The following CNBD1 variants were observed in gnomAD, a reference collection of about 807,000 sequenced individuals.
The protein encoded by CNBD1 is cyclic nucleotide-binding domain-containing protein 1.
Under a neutral mutation model 54.4 loss-of-function variants are expected in CNBD1, and 71 were observed. That is an observed-to-expected ratio of 1.30 (90% CI 1.08 to 1.59). CNBD1 has a LOEUF of 1.59. Ranked by LOEUF, CNBD1 falls within the 40% of genes most tolerant of loss-of-function variation. The probability of loss-of-function intolerance (pLI) is 0.00; values close to 1 mark genes in which losing one functional copy is unlikely to be tolerated. For synonymous variants in CNBD1, 182 were observed against 170.7 expected (o/e 1.07, Z -0.51); for missense variants, 659 against 518.0 (o/e 1.27, Z -2.64).
At chr8:87,298,296 C>T (rs1808918423) in intron 8 of CNBD1, among the ~76,000 whole-genome samples, 1 of 151,666 alleles carries the variant, frequency 6.6e-6, no homozygotes, top group Non-Finnish European at 1.5e-5. Context: ...TAAGTATTCC[C>T]CTCCCCTCAA....
intron 2 of CNBD1, among the ~76,000 whole-genome samples, chr8:87,408,376 T>A (rs1807684678): frequency 6.6e-6 from 1 of 151,804 alleles, no homozygotes; most frequent in African/African-American, 2.4e-5. Context: ...TCTGTTGCTT[T>A]ATTTTTAGAT....
chr8:86,866,811 T>G (rs1808371843), intron 1 of CNBD1, among the ~76,000 whole-genome samples: 1 of 152,136 alleles, frequency 6.6e-6, no homozygotes, highest in Admixed American at 6.5e-5. Context: ...ATGAGGATCT[T>G]TACGAACTCT....
chr8:87,148,062 G>A (rs951641263), intron 4 of CNBD1, among the ~76,000 whole-genome samples: 1 of 152,134 alleles, frequency 6.6e-6, no homozygotes, highest in Non-Finnish European at 1.5e-5. Context: ...AAAATACACT[G>A]TCAAATAGGA....
At chr8:86,959,554 A>G (rs1450769178) in intron 4 of CNBD1, among the ~76,000 whole-genome samples, 1 of 151,956 alleles carries the variant, frequency 6.6e-6, no homozygotes, top group Non-Finnish European at 1.5e-5. Flanking sequence ...ATTTCTTTTT[A>G]TTCTCTTTTC....
At chr8:87,374,252 A>G (rs1300515173) in intron 10 of CNBD1, among the ~76,000 whole-genome samples, 1 of 151,758 alleles carries the variant, frequency 6.6e-6, no homozygotes, top group Non-Finnish European at 1.5e-5. Context: ...ACTGTGCAAT[A>G]GTGTTTTTCT....
intron 5 of CNBD1, among the ~76,000 whole-genome samples, chr8:87,227,261 G>C (rs1039368651): frequency 6.7e-6 from 1 of 148,888 alleles, no homozygotes; most frequent in Non-Finnish European, 1.5e-5. Flanking sequence ...ATAGTGTTAT[G>C]TGTGAATTTG....
intron 4 of CNBD1, among the ~76,000 whole-genome samples, chr8:87,111,201 G>C (rs1811654712): frequency 6.6e-6 from 1 of 152,120 alleles, no homozygotes; most frequent in South Asian, 2.1e-4. Flanking sequence ...TATACCACTG[G>C]ACAAAGAATC....
chr8:87,312,204 A>G (rs538328311), intron 8 of CNBD1, among the ~76,000 whole-genome samples: 1 of 152,184 alleles, frequency 6.6e-6, no homozygotes, highest in South Asian at 2.1e-4. Flanking sequence ...CCCCCCAAAA[A>G]TAAAACTACT....
chr8:87,158,208 C>T (rs906487329), intron 4 of CNBD1, among the ~76,000 whole-genome samples: 1 of 152,038 alleles, frequency 6.6e-6, no homozygotes, highest in African/African-American at 2.4e-5. Context: ...TACCTAGCAG[C>T]TATGACTTTT....
At chr8:87,312,273 A>C (rs771728610) in intron 8 of CNBD1, among the ~76,000 whole-genome samples, 5 of 152,084 alleles carry the variant, frequency 3.3e-5, no homozygotes, top group Admixed American at 1.3e-4. Context: ...GCAAGGTTGC[A>C]ATGCTTTCAT....
intron 6 of CNBD1, among the ~76,000 whole-genome samples, chr8:87,269,200 T>C (rs1808317686): frequency 6.6e-6 from 1 of 152,088 alleles, no homozygotes; most frequent in Admixed American, 6.6e-5. Context: ...TATAGTTTGT[T>C]ATTGTCAACT....
At chr8:87,234,886 C>T (rs1381821067) in intron 5 of CNBD1, among the ~76,000 whole-genome samples, 1 of 152,184 alleles carries the variant, frequency 6.6e-6, no homozygotes, top group Non-Finnish European at 1.5e-5. Flanking sequence ...CATCTTCTTA[C>T]AATAGAATGC....
intron 3 of CNBD1, among the ~76,000 whole-genome samples, chr8:86,922,333 G>A (rs1809288303): frequency 6.6e-6 from 1 of 152,058 alleles, no homozygotes; most frequent in Non-Finnish European, 1.5e-5. Flanking sequence ...GGAAGAGAAA[G>A]AGAAGAAAGA....
intron 1 of CNBD1, among the ~76,000 whole-genome samples, chr8:86,884,031 A>C (rs1808642418): frequency 6.6e-6 from 1 of 151,292 alleles, no homozygotes; most frequent in South Asian, 2.1e-4. Flanking sequence ...GGGCGCCTGT[A>C]GTCCCAGCTA....
At chr8:87,422,215 T>C (rs1331784802) in intron 2 of CNBD1, among the ~76,000 whole-genome samples, 1 of 147,712 alleles carries the variant, frequency 6.8e-6, no homozygotes, top group African/African-American at 2.6e-5. Flanking sequence ...TTTTTCCCAT[T>C]TTGTAGGTTG....
intron 4 of CNBD1, among the ~76,000 whole-genome samples, chr8:87,162,247 A>G (rs1812872554): frequency 6.6e-6 from 1 of 152,232 alleles, no homozygotes; most frequent in African/African-American, 2.4e-5. Flanking sequence ...ATTAATACTC[A>G]GAATATGTTG....
chr8:87,128,328 C>T (rs998660825), intron 4 of CNBD1, among the ~76,000 whole-genome samples: 1 of 152,180 alleles, frequency 6.6e-6, no homozygotes, highest in Admixed American at 6.5e-5. Context: ...AGACACTCAA[C>T]CCTGGATGCT....
rs114458430 is a variant in CNBD1 at position 87,259,904 on chromosome 8, G to A, written c.771+22792G>A. On this transcript the variant is annotated intron_variant, in intron 6 of 10. Coordinates refer to ENST00000518476, the MANE Select transcript of CNBD1 (RefSeq NM_173538.3). ...TTACCTGACTTTAGATAGGCCAAATGGCTGATATTTCTCACTTTTGAACTT... is the reference window on the plus strand; with the variant it reads ...TTACCTGACTTTAGATAGGCCAAATAGCTGATATTTCTCACTTTTGAACTT... Among the ~76,000 whole-genome samples the A allele has an allele frequency of 3.7e-3, 559 of 152,248 alleles. 3 individuals carry two copies. The highest frequency in any genetic ancestry group is 0.013 in the African/African-American group (524 of 41,560).
intron 10 of CNBD1, among the ~76,000 whole-genome samples, chr8:87,377,218 T>G (rs574137125): frequency 2.6e-5 from 4 of 151,582 alleles, no homozygotes; most frequent in Non-Finnish European, 1.5e-5. Flanking sequence ...TAGTTACATA[T>G]GTATACATGT....
Sources: allele counts gnomAD v4.1 joint callset (sites outside exome capture counted in the v4.1 genomes callset), GRCh38; gene constraint gnomAD v4.1.1; transcripts MANE v1.5; gene names NCBI Gene and HGNC (gene_info 2026-07-23, HGNC 2026-07-21).